Variants in STK39 observed in about 807,000 individuals in gnomAD.
STK39 encodes the protein serine/threonine kinase 39.
STK39 carries 20 observed loss-of-function variants against 77.8 expected under a neutral mutation model. That is an observed-to-expected ratio of 0.26 (90% CI 0.18 to 0.37). The LOEUF (loss-of-function observed/expected upper bound fraction) is 0.37, where lower values mean the gene tolerates loss of function less well. Ranked by LOEUF, STK39 falls within the 10% of genes least tolerant of loss-of-function variation. The probability of loss-of-function intolerance (pLI) is 1.00; values close to 1 mark genes in which losing one functional copy is unlikely to be tolerated. For synonymous variants in STK39, 246 were observed against 234.1 expected (o/e 1.05, Z -0.47); for missense variants, 479 against 656.5 (o/e 0.73, Z 2.95).
intron 10 of STK39, among the ~76,000 whole-genome samples, chr2:168,096,129 C>A (rs1028016264): frequency 1.3e-5 from 2 of 152,104 alleles, no homozygotes; most frequent in African/African-American, 4.8e-5. Context: ...TATGTTTTTG[C>A]AATCTAACTG....
At chr2:168,046,164 G>A (rs6744026) in intron 14 of STK39, among the ~76,000 whole-genome samples, 4,370 of 152,138 alleles carry the variant, frequency 0.029, 204 homozygotes, top group African/African-American at 0.1. Context: ...TCAGGAGATC[G>A]AGACCATCCT....
At chr2:168,005,693 G>T (rs1231453434) in intron 16 of STK39, among the ~76,000 whole-genome samples, 1 of 152,186 alleles carries the variant, frequency 6.6e-6, no homozygotes, top group African/African-American at 2.4e-5. Flanking sequence ...CAGGATGAAA[G>T]CCATACGTCT....
chr2:168,209,402 C>T (rs1172274088), intron 1 of STK39, among the ~76,000 whole-genome samples: 1 of 152,244 alleles, frequency 6.6e-6, no homozygotes, highest in Non-Finnish European at 1.5e-5. Flanking sequence ...TAAGGCCTGG[C>T]GCGGTGGCTC....
rs201215460 is a variant in STK39 at position 167,955,532 on chromosome 2, C to T, written c.1602G>A (p.Val534=). ...GCDGSEIPDE[V]KLIGFAQLSV... ...TCAACTGAGCAAACCCAATCAGCTT[C>T]ACTTCATCAGGAATCTCCGACCCAT... Residue 534 remains valine, a synonymous_variant, in exon 18 of 18, where the codon GTG becomes GTA. Transcript: ENST00000355999. 15 of 1,613,788 alleles carry T rather than the reference C, an allele frequency of 9.3e-6. No individual in the cohort carries two copies. Among genetic ancestry groups the T allele is most frequent in the Non-Finnish European group, 1.3e-5 (15 of 1,179,918 alleles).
At chr2:167,984,475 C>G (rs996432406) in intron 16 of STK39, among the ~76,000 whole-genome samples, 1 of 152,152 alleles carries the variant, frequency 6.6e-6, no homozygotes, top group Non-Finnish European at 1.5e-5. Context: ...TGCACTGAAG[C>G]GGTCCAGCAT....
Position 168,161,803 on chromosome 2 carries a change from A to C in STK39, c.612T>G (p.Gly204=), listed in dbSNP as rs201063059. The C allele has an allele frequency of 8.7e-6, 14 of 1,610,200 alleles. No homozygotes were observed. The highest frequency in any genetic ancestry group is 1.1e-5 in the Non-Finnish European group (13 of 1,178,532). Residue 204 remains glycine (G), a synonymous_variant, in exon 5 of 18, where the codon GGT becomes GGG. Transcript: ENST00000355999. ...KAGNILLGED[G]SVQIADFGVS... ...CAGCTTTACCTGCTATTTGTACTGA[A>C]CCATCCTCACCCAGAAGAATATTAC...
At chr2:168,227,845 G>A (rs939931200) in intron 1 of STK39, among the ~76,000 whole-genome samples, 3 of 143,356 alleles carry the variant, frequency 2.1e-5, no homozygotes, top group Admixed American at 1.4e-4. Context: ...TTTTAGTAGA[G>A]ATGGGGTTTC....
In STK39 at chr2:168,182,089, G is replaced by C; in HGVS notation, c.210C>G (p.Gly70=). ...CCTGAACCACAGCAGTAGCTCCACT[G>C]CCTGCAATGAAATAAAAACAACATC... is the stretch of plus-strand genomic sequence containing the variant. The part of the protein sequence containing the change: ...RDAYELQEVI[G]SGATAVVQAA... The change falls in exon 2 of 18, where the codon GGC becomes GGG. Residue 70 remains glycine, a splice_region_variant and synonymous_variant. Coordinates refer to ENST00000355999, the MANE Select transcript of STK39 (RefSeq NM_013233.3). The C allele has an allele frequency of 6.2e-7, 1 of 1,613,194 alleles. No homozygotes were observed. The highest frequency in any genetic ancestry group is 8.5e-7 in the Non-Finnish European group (1 of 1,179,276).
At chr2:168,220,224 AAAC>A (rs1399678827) in intron 1 of STK39, among the ~76,000 whole-genome samples, 3 of 152,122 alleles carry the variant, frequency 2.0e-5, no homozygotes, top group African/African-American at 7.2e-5. Context: ...AAAGGAAACT[AAAC>A]AACTCAATTC....
At position 168,135,987 on chromosome 2, in the gene STK39, A is replaced by ATTT. The variant is rs5836172; in HGVS notation, c.974+2098_974+2100dup. 6.0e-3 allele frequency among the ~76,000 whole-genome samples: 874 copies of ATTT among 146,710 alleles called. 10 individuals are homozygous for ATTT. Among genetic ancestry groups the ATTT allele is most frequent in the African/African-American group, 0.02 (800 of 40,038 alleles). On this transcript the variant is annotated intron_variant, in intron 8 of 17. Coordinates refer to ENST00000355999, the MANE Select transcript of STK39 (RefSeq NM_013233.3). ...ATGTTATATGACGCTCTTCTAAAGGATTTTTTTTTTTTTTGGTGGAATAGA... is the reference window on the plus strand; with the variant it reads ...ATGTTATATGACGCTCTTCTAAAGGATTTTTTTTTTTTTTTTTGGTGGAATAGA...
At chr2:168,098,998 G>A (rs1001040904) in intron 10 of STK39, among the ~76,000 whole-genome samples, 1 of 152,208 alleles carries the variant, frequency 6.6e-6, no homozygotes, top group African/African-American at 2.4e-5. Context: ...ACTGTAAGGA[G>A]GAGAGATCAT....
chr2:168,146,822 G>A (rs1688152168), intron 5 of STK39, among the ~76,000 whole-genome samples: 1 of 152,178 alleles, frequency 6.6e-6, no homozygotes, highest in Non-Finnish European at 1.5e-5. Context: ...AACAGAGCCT[G>A]TATATGAATA....
rs914956208 is a variant in STK39, at chr2:168,043,794, T to C, written c.1376+19706A>G. On this transcript the variant is annotated intron_variant, in intron 14 of 17. Transcript: ENST00000355999. ...TTCTGACTTCGTACTTGCAGCAGCC[T>C]TATTATGTATGCTTCAAAGCTAGAG... Among the ~76,000 whole-genome samples, 7 of 152,372 alleles carry C rather than the reference T, an allele frequency of 4.6e-5. No homozygotes were observed. The East Asian group carries it at 9.6e-4, about 21-fold the overall frequency.
chr2:168,239,471 C>T (rs1377995680), intron 1 of STK39, among the ~76,000 whole-genome samples: 1 of 152,194 alleles, frequency 6.6e-6, no homozygotes, highest in Non-Finnish European at 1.5e-5. Flanking sequence ...CAGGTGGACG[C>T]ACTCAAAGTG....
intron 1 of STK39, among the ~76,000 whole-genome samples, chr2:168,235,689 G>C (rs1378149523): frequency 1.4e-5 from 2 of 143,618 alleles, no homozygotes; most frequent in Admixed American, 7.6e-5. Context: ...CCACCTATGA[G>C]TGAGAACATG....
At chr2:168,059,403 G>A (rs1402527158) in intron 14 of STK39, among the ~76,000 whole-genome samples, 1 of 152,204 alleles carries the variant, frequency 6.6e-6, no homozygotes, top group Non-Finnish European at 1.5e-5. Flanking sequence ...GGTGAGGCCT[G>A]CTTAATCAGG....
chr2:168,172,241 TC>T (rs1281629655), intron 2 of STK39, among the ~76,000 whole-genome samples: 1 of 152,182 alleles, frequency 6.6e-6, no homozygotes, highest in Non-Finnish European at 1.5e-5. Flanking sequence ...ATCTCAAGTG[TC>T]CCAATTCCTG....
intron 1 of STK39, among the ~76,000 whole-genome samples, chr2:168,214,870 CAA>C (rs1024856311): frequency 1.3e-5 from 2 of 152,228 alleles, no homozygotes; most frequent in East Asian, 1.9e-4. Flanking sequence ...ACTGGAAATC[CAA>C]AAGAGTGTAT....
chr2:168,234,131 T>C (rs1690534612), intron 1 of STK39, among the ~76,000 whole-genome samples: 1 of 152,208 alleles, frequency 6.6e-6, no homozygotes. Flanking sequence ...GCAATACCTT[T>C]GCATGTTATT....
Sources: allele counts gnomAD v4.1 joint callset (sites outside exome capture counted in the v4.1 genomes callset), GRCh38; gene constraint gnomAD v4.1.1; transcripts MANE v1.5; gene names NCBI Gene and HGNC (gene_info 2026-07-23, HGNC 2026-07-21).